The following DLG2 variants were observed in gnomAD, a reference collection of about 807,000 sequenced individuals.
DLG2 encodes discs large MAGUK scaffold protein 2.
Under a neutral mutation model 132.5 loss-of-function variants are expected in DLG2, and 45 were observed. The ratio of observed to expected loss-of-function variants is 0.34; its 90% CI spans 0.27 to 0.44. DLG2 has a LOEUF of 0.44. Ranked by LOEUF, DLG2 falls within the 20% of genes least tolerant of loss-of-function variation. The pLI is 1.00. For synonymous variants in DLG2, 424 were observed against 419.6 expected, an observed-to-expected ratio of 1.01 and a Z score of -0.13; for missense variants, 1,045 against 1,196.9, an observed-to-expected ratio of 0.87 and a Z score of 1.87.
At chr11:84,064,977 C>T (rs1448712094) in intron 10 of DLG2, among the ~76,000 whole-genome samples, 7 of 152,092 alleles carry the variant, frequency 4.6e-5, no homozygotes, top group African/African-American at 1.7e-4. Context: ...GAAAGGACTC[C>T]CTATTCAATA....
chr11:85,019,662 C>T (rs1313872121), intron 6 of DLG2, among the ~76,000 whole-genome samples: 2 of 152,068 alleles, frequency 1.3e-5, no homozygotes, highest in East Asian at 3.9e-4. Context: ...TGTTCCCCAC[C>T]CTGTGTCCAA....
At chr11:84,054,699 AT>A (rs576573397) in intron 11 of DLG2, among the ~76,000 whole-genome samples, 1 of 152,088 alleles carries the variant, frequency 6.6e-6, no homozygotes, top group Non-Finnish European at 1.5e-5. Context: ...GTTATCTCAA[AT>A]TAGTAATTTT....
At chr11:83,948,278 T>G (rs576807408) in intron 14 of DLG2, among the ~76,000 whole-genome samples, 10 of 152,176 alleles carry the variant, frequency 6.6e-5, no homozygotes, top group African/African-American at 9.7e-5. Flanking sequence ...TCAATCCAAT[T>G]TTTTTAAAGA....
At chr11:84,643,244 T>C (rs2099670319) in intron 6 of DLG2, among the ~76,000 whole-genome samples, 1 of 152,198 alleles carries the variant, frequency 6.6e-6, no homozygotes, top group Non-Finnish European at 1.5e-5. Context: ...GAAGGCCTAC[T>C]CAGGAATTGG....
chr11:83,563,557 C>T (rs1175924249), intron 19 of DLG2, among the ~76,000 whole-genome samples: 1 of 152,276 alleles, frequency 6.6e-6, no homozygotes, highest in African/African-American at 2.4e-5. Flanking sequence ...AATGATGGGA[C>T]TGAAGAGTAC....
chr11:84,387,852 A>G (rs914387104), intron 7 of DLG2, among the ~76,000 whole-genome samples: 1 of 152,232 alleles, frequency 6.6e-6, no homozygotes, highest in African/African-American at 2.4e-5. Flanking sequence ...TTCTACTTCT[A>G]CATTCTGATG....
chr11:83,535,391 A>C (rs1033452088), intron 20 of DLG2, among the ~76,000 whole-genome samples: 5 of 152,118 alleles, frequency 3.3e-5, no homozygotes, highest in African/African-American at 1.2e-4. Context: ...GTCAGGAGGA[A>C]CTCAGTATTC....
chr11:83,670,951 G>T (rs189370826), intron 18 of DLG2, among the ~76,000 whole-genome samples: 7 of 152,182 alleles, frequency 4.6e-5, no homozygotes, highest in Non-Finnish European at 4.4e-5. Context: ...CTCATGGAAG[G>T]TGTACTCCAT....
chr11:83,765,514 G>A (rs779846262), intron 18 of DLG2, among the ~76,000 whole-genome samples: 1 of 152,202 alleles, frequency 6.6e-6, no homozygotes, highest in East Asian at 1.9e-4. Context: ...TGGGGTTGGC[G>A]TTTAACAGAA....
chr11:83,623,997 T>C (rs2062070806), intron 19 of DLG2, among the ~76,000 whole-genome samples: 2 of 152,218 alleles, frequency 1.3e-5, no homozygotes, highest in African/African-American at 4.8e-5. Flanking sequence ...CCTGCGGAGA[T>C]GAGAGATTTC....
chr11:84,022,387 A>G (rs1393001745), intron 11 of DLG2, among the ~76,000 whole-genome samples: 1 of 152,204 alleles, frequency 6.6e-6, no homozygotes, highest in African/African-American at 2.4e-5. Flanking sequence ...AACAACACTT[A>G]GTCTTTTTGA....
intron 7 of DLG2, among the ~76,000 whole-genome samples, chr11:84,275,874 G>A (rs896139416): frequency 1.3e-5 from 2 of 152,200 alleles, no homozygotes; most frequent in African/African-American, 4.8e-5. Flanking sequence ...GCTCATGGAA[G>A]ATTTAGCACT....
chr11:84,156,107 G>A (rs2095423313), intron 9 of DLG2, among the ~76,000 whole-genome samples: 1 of 152,072 alleles, frequency 6.6e-6, no homozygotes, highest in Admixed American at 6.6e-5. Flanking sequence ...GTGTTTTGCA[G>A]GACAGGAAAA....
intron 6 of DLG2, among the ~76,000 whole-genome samples, chr11:84,688,887 A>G (rs2057683588): frequency 6.6e-6 from 1 of 152,130 alleles, no homozygotes; most frequent in Non-Finnish European, 1.5e-5. Flanking sequence ...AGCAAAAGTG[A>G]CAGTTTATTT....
At chr11:83,578,755 G>A (rs1047424427) in intron 19 of DLG2, among the ~76,000 whole-genome samples, 2 of 152,146 alleles carry the variant, frequency 1.3e-5, no homozygotes, top group Non-Finnish European at 2.9e-5. Flanking sequence ...AAACAAAAAT[G>A]TGAACATTAG....
At chr11:83,924,156 AG>A (rs2078489945) in intron 15 of DLG2, among the ~76,000 whole-genome samples, 1 of 152,156 alleles carries the variant, frequency 6.6e-6, no homozygotes, top group African/African-American at 2.4e-5. Flanking sequence ...AAACAAGGGC[AG>A]AGTTAGGTAA....
chr11:85,442,580 G>T lies in DLG2; in HGVS notation c.40+156077C>A, dbSNP rs192603345. 3.1e-3 allele frequency among the ~76,000 whole-genome samples: 470 copies of T among 152,110 alleles called. 2 individuals are homozygous for T. The highest frequency in any genetic ancestry group is 4.7e-3 in the Non-Finnish European group (320 of 67,994). On this transcript the variant is annotated intron_variant, in intron 3 of 27. Coordinates refer to ENST00000376104, the MANE Select transcript of DLG2 (RefSeq NM_001142699.3). ...AAGAGAAATTAAAAGTTTTCTTTTG[G>T]GTCAGGTACAATGGCTCGTGCCTGT...
At chr11:83,634,304 C>T (rs1343646162) in intron 18 of DLG2, among the ~76,000 whole-genome samples, 1 of 151,946 alleles carries the variant, frequency 6.6e-6, no homozygotes, top group African/African-American at 2.4e-5. Context: ...GCATGTCAAC[C>T]CAATAAAGAT....
At chr11:85,401,155 T>A (rs928277624) in intron 3 of DLG2, among the ~76,000 whole-genome samples, 1 of 152,064 alleles carries the variant, frequency 6.6e-6, no homozygotes, top group African/African-American at 2.4e-5. Context: ...CAAGTGGGCT[T>A]CATCCCTGGG....
Sources: gnomAD v4.1 joint callset for allele counts (sites outside exome capture counted in the v4.1 genomes callset) on GRCh38, gnomAD v4.1.1 for gene constraint, MANE v1.5 for transcripts, NCBI Gene and HGNC (gene_info 2026-07-23, HGNC 2026-07-21) for gene names.